GPBAR1: variants seen among roughly 807,000 people sequenced by gnomAD.
GPBAR1 encodes G-protein coupled bile acid receptor 1.
A neutral mutation model predicts 13.0 loss-of-function variants in GPBAR1; 13 were observed. The ratio of observed to expected loss-of-function variants is 1.00; its 90% CI spans 0.65 to 1.59. GPBAR1 has a LOEUF of 1.59. GPBAR1 is among the 40% of genes most tolerant of loss of function. The pLI is 0.00. For missense variants in GPBAR1, 398 were observed against 436.4 expected (o/e 0.91, Z 0.78); for synonymous variants, 193 against 205.2 (o/e 0.94, Z 0.51).
chr2:218,263,832 C>G lies in GPBAR1; in HGVS notation c.*115C>G. 1 of 1,240,476 alleles carries G rather than the reference C, an allele frequency of 8.1e-7. No homozygotes were observed. The highest frequency in any genetic ancestry group is 2.4e-5 in the East Asian group (1 of 42,094). 76.8% of individuals were successfully genotyped at this position (1,240,476 alleles called of 1,614,324 possible). A position where few individuals can be genotyped will look rare whatever the true frequency, so the allele number is the denominator to read the frequency against. The stretch of plus-strand genomic sequence containing the variant: ...GACCCTGCCTCTGTTTGACCCCGCA[C>G]TGACTGAATAAAGCTCCTCTGGCCG... On this transcript the variant is annotated 3_prime_UTR_variant, in exon 2 of 2. Coordinates refer to ENST00000519574, the MANE Select transcript of GPBAR1 (RefSeq NM_170699.3). The surrounding 1 kb of genome is among the most constrained non-coding windows in gnomAD (Gnocchi z 4.2).
At chr2:218,261,355 C>G (rs1690409748) in intron 1 of GPBAR1, 139 bp downstream of exon 1, 2 of 152,380 alleles carry the variant, frequency 1.3e-5, no homozygotes, top group Non-Finnish European at 2.9e-5. Context: ...GGGGCTGCTC[C>G]CTGCCTTTGT....
chr2:218,263,422 T>C lies in GPBAR1; in HGVS notation c.698T>C (p.Phe233Ser). 6.2e-7 allele frequency: 1 copy of C among 1,602,946 alleles called. No individual in the cohort carries two copies. The highest frequency in any genetic ancestry group is 8.5e-7 in the Non-Finnish European group (1 of 1,175,752). Residue 233 changes from phenylalanine (F) to serine (S), a missense_variant, in exon 2 of 2, where the codon TTC becomes TCC. Physicochemically the swap from Phe to Ser is radical, Grantham distance 155. Coordinates refer to ENST00000519574, the MANE Select transcript of GPBAR1 (RefSeq NM_170699.3). This position sits in a 1 kb window ranked among gnomAD's most constrained non-coding sequence, Gnocchi z 4.2. ...ARAQAGAMLL[F>S]GLCWGPYVAT... ...GCACAGGCTGGAGCCATGCTGCTCT[T>C]CGGGCTGTGCTGGGGGCCCTACGTG...
In GPBAR1 at chr2:218,263,348, C is replaced by T. The variant is rs764793684; in HGVS notation, c.624C>T (p.Arg208=). The T allele has an allele frequency of 3.7e-6, 6 of 1,600,512 alleles. No individual in the cohort carries two copies. The highest frequency in any genetic ancestry group is 1.7e-5 in the Admixed American group (1 of 59,162). The change falls in exon 2 of 2, where the codon CGC becomes CGT. Residue 208 remains arginine (R), a synonymous_variant. Coordinates refer to ENST00000519574, the MANE Select transcript of GPBAR1 (RefSeq NM_170699.3). This position sits in a 1 kb window ranked among gnomAD's most constrained non-coding sequence, Gnocchi z 4.2. ...GCCGGCTGGAGCGGGCAGTGTGCCGCGATGAGCCCTCCGCCCTGGCCCGGG... is the reference window on the plus strand; with the variant it reads ...GCCGGCTGGAGCGGGCAGTGTGCCGTGATGAGCCCTCCGCCCTGGCCCGGG... ...DICRLERAVC[R]DEPSALARAL...
rs201985523 is a variant in GPBAR1 at position 218,263,609 on chromosome 2, C to A, written c.885C>A (p.Ala295=). 4 of 1,612,848 alleles carry A rather than the reference C, an allele frequency of 2.5e-6. No individual in the cohort carries two copies. Among genetic ancestry groups the A allele is most frequent in the Non-Finnish European group, 3.4e-6 (4 of 1,179,874 alleles). Residue 295 remains alanine, a synonymous_variant, in exon 2 of 2, where the codon GCC becomes GCA. Transcript: ENST00000519574. This position sits in a 1 kb window ranked among gnomAD's most constrained non-coding sequence, Gnocchi z 4.2. ...ACACAGCCCCCTGGAGGGCAGCCGC[C>A]CAAAGGTGCCTGCAGGGGCTGTGGG... ...QRYTAPWRAA[A]QRCLQGLWGR...
chr2:218,263,044 A>C lies in GPBAR1; in HGVS notation c.320A>C (p.His107Pro). ...LSLLANLLLV[H>P]GERYMAVLRP... is the part of the protein sequence containing the mutation. ...CTGCTTGCCAACCTCTTGCTGGTGC[A>C]CGGGGAGCGCTACATGGCAGTCCTG... Residue 107 changes from histidine to proline, a missense_variant, in exon 2 of 2, where the codon CAC (histidine) becomes CCC (proline). Transcript: ENST00000519574. This position sits in a 1 kb window ranked among gnomAD's most constrained non-coding sequence, Gnocchi z 4.2. The C allele has an allele frequency of 6.2e-7, 1 of 1,613,664 alleles. No homozygotes were observed. The highest frequency in any genetic ancestry group is 8.5e-7 in the Non-Finnish European group (1 of 1,179,830).
At chr2:218,259,956 GT>G (rs1317760227), upstream of GPBAR1, 1 of 152,406 alleles carries the variant, frequency 6.6e-6, no homozygotes, top group African/African-American at 2.4e-5. Flanking sequence ...CCCTCTCAAT[GT>G]ATCTGGTTTC....
In GPBAR1 at chr2:218,262,809, A is replaced by T. The variant is rs756055296; in HGVS notation, c.85A>T (p.Ile29Phe). The change falls in exon 2 of 2, where the codon ATC becomes TTC. Residue 29 changes from isoleucine (I) to phenylalanine (F), a missense_variant. Coordinates refer to ENST00000519574, the MANE Select transcript of GPBAR1 (RefSeq NM_170699.3). This position sits in a 1 kb window ranked among gnomAD's most constrained non-coding sequence, Gnocchi z 5.1. ...GLSLALASLI[I>F]TANLLLALGI... is the part of the protein sequence containing the mutation. ...CTCCCTGGCCCTGGCAAGCCTCATC[A>T]TCACCGCGAACCTGCTCCTAGCCCT... The T allele has an allele frequency of 1.9e-6, 3 of 1,613,414 alleles. No homozygotes were observed. The Admixed American group carries it at 5.0e-5, about 27-fold the overall frequency.
In GPBAR1 at chr2:218,262,828, T is replaced by C. The variant is rs1047433769; in HGVS notation, c.104T>C (p.Leu35Pro). The change falls in exon 2 of 2, where the codon CTA (leucine) becomes CCA (proline). Residue 35 changes from leucine to proline, a missense_variant. Leu to Pro is a moderately conservative substitution (Grantham distance 98, BLOSUM62 -3). Transcript: ENST00000519574. This position sits in a 1 kb window ranked among gnomAD's most constrained non-coding sequence, Gnocchi z 5.1. ...ASLIITANLL[L>P]ALGIAWDRRL... ...CTCATCATCACCGCGAACCTGCTCC[T>C]AGCCCTGGGCATCGCCTGGGACCGC... 1.9e-6 allele frequency: 3 copies of C among 1,613,628 alleles called. No homozygotes were observed. The highest frequency in any genetic ancestry group is 1.1e-5 in the South Asian group (1 of 91,030).
Position 218,263,647 on chromosome 2 carries a change from G to A in GPBAR1, c.923G>A (p.Arg308Gln), listed in dbSNP as rs200024655. ...CLQGLWGRAS[R>Q]DSPGPSIAYH... The stretch of plus-strand genomic sequence containing the variant: ...CAGGGGCTGTGGGGAAGAGCCTCCC[G>A]GGACAGTCCCGGCCCCAGCATTGCC... Residue 308 changes from arginine (R) to glutamine (Q), a missense_variant, in exon 2 of 2, where the codon CGG (arginine) becomes CAG (glutamine). By Grantham distance (43) the Arg-to-Gln change is conservative. Coordinates refer to ENST00000519574, the MANE Select transcript of GPBAR1 (RefSeq NM_170699.3). This position sits in a 1 kb window ranked among gnomAD's most constrained non-coding sequence, Gnocchi z 4.2. 39 of 1,612,872 alleles carry A rather than the reference G, an allele frequency of 2.4e-5. No individual in the cohort carries two copies. The highest frequency in any genetic ancestry group is 1.6e-4 in the Middle Eastern group (1 of 6,062).
chr2:218,263,719 G>T lies in GPBAR1; in HGVS notation c.*2G>T, dbSNP rs1190351043. 6.2e-7 allele frequency: 1 copy of T among 1,612,824 alleles called. No individual in the cohort carries two copies. Among genetic ancestry groups the T allele is most frequent in the Non-Finnish European group, 8.5e-7 (1 of 1,179,892 alleles). ...AGTGTCGACCTGGACTTGAACTAAAGGAAGGGCCTCTGCTGACTCCTACCA... is the reference window on the plus strand; with the variant it reads ...AGTGTCGACCTGGACTTGAACTAAATGAAGGGCCTCTGCTGACTCCTACCA... On this transcript the variant is annotated 3_prime_UTR_variant, in exon 2 of 2. Transcript: ENST00000519574. The surrounding 1 kb of genome is among the most constrained non-coding windows in gnomAD (Gnocchi z 4.2).
chr2:218,260,000 C>T (rs1690372884), upstream of GPBAR1: 1 of 152,282 alleles, frequency 6.6e-6, no homozygotes, highest in African/African-American at 2.4e-5. Flanking sequence ...AGTGTCACTC[C>T]CCTCTTGCTT....
chr2:218,263,678 C>T lies in GPBAR1; in HGVS notation c.954C>T (p.His318=), dbSNP rs1300484459. Residue 318 remains histidine, a synonymous_variant, in exon 2 of 2, where the codon CAC becomes CAT. Transcript: ENST00000519574. This position sits in a 1 kb window ranked among gnomAD's most constrained non-coding sequence, Gnocchi z 4.2. ...GTCCCGGCCCCAGCATTGCCTACCA[C>T]CCAAGCAGCCAAAGCAGTGTCGACC... ...RDSPGPSIAY[H]PSSQSSVDLD... is the part of the protein sequence containing the mutation. The T allele has an allele frequency of 2.5e-6, 4 of 1,612,840 alleles. No individual in the cohort carries two copies. In the Admixed American group the frequency reaches 6.7e-5, roughly 27 times the overall value.
At chr2:218,261,242 C>T (rs1330334488) in intron 1 of GPBAR1, 26 bp downstream of exon 1, 1 of 152,514 alleles carries the variant, frequency 6.6e-6, no homozygotes, top group East Asian at 1.9e-4. Context: ...CCCAAACCCC[C>T]AAACCCCAGA....
At position 218,262,392 on chromosome 2, in the gene GPBAR1, A is replaced by C; in HGVS notation, c.-45-288A>C. On this transcript the variant is annotated intron_variant, in intron 1 of 1. Coordinates refer to ENST00000519574, the MANE Select transcript of GPBAR1 (RefSeq NM_170699.3). The surrounding 1 kb of genome is among the most constrained non-coding windows in gnomAD (Gnocchi z 5.1). The stretch of plus-strand genomic sequence containing the variant: ...CTGCCCAGAAAAGGCAGATACCAGA[A>C]ATGGATAAAGCTGGCTGGGTGGGGA... The C allele has an allele frequency of 3.5e-6, 1 of 287,892 alleles. No homozygotes were observed. The highest frequency in any genetic ancestry group is 6.5e-5 in the East Asian group (1 of 15,364). The allele number at this position is 287,892 out of a possible 1,614,324, so 17.8% of individuals were successfully genotyped here.
Position 218,262,988 on chromosome 2 carries a change from C to CT in GPBAR1, c.265dup (p.Tyr89LeufsTer122), listed in dbSNP as rs1431902115. 1 of 1,613,970 alleles carries CT rather than the reference C, an allele frequency of 6.2e-7. No homozygotes were observed. The highest frequency in any genetic ancestry group is 1.1e-5 in the South Asian group (1 of 91,084). On this transcript the variant is annotated frameshift_variant, in exon 2 of 2. Transcript: ENST00000519574. LOFTEE classifies it high-confidence loss of function. The surrounding 1 kb of genome is among the most constrained non-coding windows in gnomAD (Gnocchi z 5.1). ...GGGGTTACTGGTCCTGCCTCCTCGT[C>CT]TACTTGGCTCCCAACTTCTCCTTCC...
chr2:218,262,643 G>A lies in GPBAR1; in HGVS notation c.-45-37G>A. 2.1e-6 allele frequency: 3 copies of A among 1,405,908 alleles called. No homozygotes were observed. The highest frequency in any genetic ancestry group is 1.4e-5 in the African/African-American group (1 of 69,532). The allele number at this position is 1,405,908 out of a possible 1,614,324, so 87.1% of individuals were successfully genotyped here. A position where few individuals can be genotyped will look rare whatever the true frequency, so the allele number is the denominator to read the frequency against. On this transcript the variant is annotated intron_variant, in intron 1 of 1. Transcript: ENST00000519574. This position sits in a 1 kb window ranked among gnomAD's most constrained non-coding sequence, Gnocchi z 5.1. Reference sequence around the variant, plus strand: ...CTGCCCTGCCAGGAGGACACGACCTGCAGCCCCATCCTAACTCTGGCCACC... The same window carrying A: ...CTGCCCTGCCAGGAGGACACGACCTACAGCCCCATCCTAACTCTGGCCACC...
rs1362907994 is a variant in GPBAR1 at position 218,263,550 on chromosome 2, G to A, written c.826G>A (p.Val276Met). 6.2e-7 allele frequency: 1 copy of A among 1,612,326 alleles called. No homozygotes were observed. Among genetic ancestry groups the A allele is most frequent in the Admixed American group, 1.7e-5 (1 of 59,960 alleles). The change falls in exon 2 of 2, where the codon GTG (valine) becomes ATG (methionine). Residue 276 changes from valine (V) to methionine (M), a missense_variant. Transcript: ENST00000519574. This position sits in a 1 kb window ranked among gnomAD's most constrained non-coding sequence, Gnocchi z 4.2. ...LSLGSASAAA[V>M]PVAMGLGDQR... ...CCTAGGAAGTGCCAGTGCAGCGGCA[G>A]TGCCCGTAGCCATGGGGCTGGGCGA...
At position 218,263,303 on chromosome 2, in the gene GPBAR1, C is replaced by G. The variant is rs1442293611; in HGVS notation, c.579C>G (p.His193Gln). 1 of 1,605,852 alleles carries G rather than the reference C, an allele frequency of 6.2e-7. No homozygotes were observed. Among genetic ancestry groups the G allele is most frequent in the Non-Finnish European group, 8.5e-7 (1 of 1,178,930 alleles). Residue 193 changes from histidine to glutamine, a missense_variant, in exon 2 of 2, where the codon CAC becomes CAG. His to Gln is a conservative substitution (Grantham distance 24). Transcript: ENST00000519574. The surrounding 1 kb of genome is among the most constrained non-coding windows in gnomAD (Gnocchi z 4.2). ...FLSVRVLATA[H>Q]RQLQDICRLE... is the part of the protein sequence containing the mutation. ...CTGTCCGCGTGCTGGCCACTGCCCA[C>G]CGCCAGCTGCAGGACATCTGCCGGC...
chr2:218,263,647 G>C lies in GPBAR1; in HGVS notation c.923G>C (p.Arg308Pro), dbSNP rs200024655. The change falls in exon 2 of 2, where the codon CGG (arginine) becomes CCG (proline). Residue 308 changes from arginine to proline, a missense_variant. Arg to Pro is a moderately radical substitution (Grantham distance 103, BLOSUM62 -2). Transcript: ENST00000519574. This position sits in a 1 kb window ranked among gnomAD's most constrained non-coding sequence, Gnocchi z 4.2. The part of the protein sequence containing the change: ...CLQGLWGRAS[R>P]DSPGPSIAYH... ...CAGGGGCTGTGGGGAAGAGCCTCCC[G>C]GGACAGTCCCGGCCCCAGCATTGCC... 8 of 1,612,754 alleles carry C rather than the reference G, an allele frequency of 5.0e-6. No homozygotes were observed. The East Asian group carries it at 1.3e-4, about 27-fold the overall frequency.
Sources: gnomAD v4.1 joint callset for allele counts on GRCh38, gnomAD v4.1.1 for gene constraint, Gnocchi (gnomAD v3.1) non-coding constraint, MANE v1.5 for transcripts, NCBI Gene and HGNC (gene_info 2026-07-23, HGNC 2026-07-21) for gene names.